ROR1: variants seen among roughly 807,000 people sequenced by gnomAD.
ROR1 encodes the protein ROR family WNT receptor 1.
In ROR1, 19 loss-of-function variants were observed where a neutral mutation model predicts 78.8. The ratio of observed to expected loss-of-function variants is 0.24; its 90% confidence interval spans 0.17 to 0.35. The LOEUF is 0.35. ROR1 is among the 10% of genes least tolerant of loss of function. ROR1 has a pLI of 1.00. For synonymous variants in ROR1, 386 were observed against 433.6 expected, an observed-to-expected ratio of 0.89 and a Z score of 1.36; for missense variants, 917 against 1,177.8, an observed-to-expected ratio of 0.78 and a Z score of 3.24.
In ROR1 at chr1:63,961,722, T is replaced by C. The variant is rs562419164; in HGVS notation, c.92-47583T>C. Among the ~76,000 whole-genome samples the C allele has an allele frequency of 4.6e-5, 7 of 152,280 alleles. No homozygotes were observed. In the South Asian group the frequency reaches 1.5e-3, roughly 32 times the overall value. On this transcript the variant is annotated intron_variant, in intron 1 of 8. Coordinates refer to ENST00000371079, the MANE Select transcript of ROR1 (RefSeq NM_005012.4). The stretch of plus-strand genomic sequence containing the variant: ...AGTGGAGAGGGATATGAAATTACAG[T>C]TAATGGATATGAAATTACGGTTAGA...
chr1:63,908,234 C>T (rs1645543239), intron 1 of ROR1, among the ~76,000 whole-genome samples: 2 of 152,202 alleles, frequency 1.3e-5, no homozygotes, highest in South Asian at 4.2e-4. Flanking sequence ...CACATTTCTC[C>T]CCCTGAAGCA....
At chr1:64,114,098 G>A (rs765849529) in intron 4 of ROR1, among the ~76,000 whole-genome samples, 5 of 152,076 alleles carry the variant, frequency 3.3e-5, no homozygotes, top group African/African-American at 4.8e-5. Context: ...GACCATGACC[G>A]GTGAACTTGG....
At chr1:63,809,527 A>G (rs749740681) in intron 1 of ROR1, among the ~76,000 whole-genome samples, 2 of 152,094 alleles carry the variant, frequency 1.3e-5, no homozygotes, top group African/African-American at 2.4e-5. Flanking sequence ...TACTCTGGGG[A>G]ATGGAGAGTT....
At position 64,007,377 on chromosome 1, in the gene ROR1, AGTGTGTGT is replaced by A. The variant is rs59753220; in HGVS notation, c.92-1903_92-1896del. Among the ~76,000 whole-genome samples the A allele has an allele frequency of 6.2e-5, 9 of 146,026 alleles. No individual in the cohort carries two copies. In the South Asian group the frequency reaches 1.4e-3, roughly 22 times the overall value. On this transcript the variant is annotated intron_variant, in intron 1 of 8. Coordinates refer to ENST00000371079, the MANE Select transcript of ROR1 (RefSeq NM_005012.4). ...CCTAATATTCTCTAGTAATGTTCTG[AGTGTGTGT>A]GTGTGTGTGTGTGTGTGTGTGTGTA...
intron 2 of ROR1, among the ~76,000 whole-genome samples, chr1:64,028,264 A>G (rs1250090233): frequency 6.6e-6 from 1 of 152,238 alleles, no homozygotes; most frequent in African/African-American, 2.4e-5. Flanking sequence ...TGGTAGGTGC[A>G]TAAATAAGTA....
rs116533322 is a variant in ROR1 at position 63,955,944 on chromosome 1, C to T, written c.92-53361C>T. Among the ~76,000 whole-genome samples, 774 of 152,180 alleles carry T rather than the reference C, an allele frequency of 5.1e-3. 12 individuals carry two copies. Among genetic ancestry groups the T allele is most frequent in the African/African-American group, 0.018 (748 of 41,496 alleles). ...ATAATTATCTCTGCAAAGATGTGTC[C>T]GTTGAGTACTTATATGGGAAGAGAA... On this transcript the variant is annotated intron_variant, in intron 1 of 8. Transcript: ENST00000371079.
rs183444530 is a variant in ROR1, at chr1:63,806,418, C to T, written c.91+31910C>T. ...CTGCAAGCTCCACCTCCCAGGTTCA[C>T]GCCACTCTCCTGCCACAGCCTCCTG... On this transcript the variant is annotated intron_variant, in intron 1 of 8. Transcript: ENST00000371079. 3.7e-3 allele frequency among the ~76,000 whole-genome samples: 557 copies of T among 151,476 alleles called. 3 individuals carry two copies. Among genetic ancestry groups the T allele is most frequent in the Middle Eastern group, 6.8e-3 (2 of 294 alleles).
intron 4 of ROR1, among the ~76,000 whole-genome samples, chr1:64,121,965 C>G (rs2100689083): frequency 6.6e-6 from 1 of 152,346 alleles, no homozygotes; most frequent in Admixed American, 6.5e-5. Context: ...GCACCAGAAC[C>G]TGCACCAGCT....
chr1:63,876,645 G>GGTGT (rs367954652), intron 1 of ROR1, among the ~76,000 whole-genome samples: 8,808 of 130,526 alleles, frequency 0.067, 331 homozygotes, highest in Middle Eastern at 0.11. Flanking sequence ...CCACGAAAGG[G>GGTGT]GTGTGTGTGT....
At chr1:64,090,814 C>G (rs1034421373) in intron 4 of ROR1, among the ~76,000 whole-genome samples, 4 of 152,088 alleles carry the variant, frequency 2.6e-5, no homozygotes, top group African/African-American at 9.7e-5. Context: ...CTAAAGTTGC[C>G]CTTTTTTCCC....
At chr1:64,025,125 T>A (rs1359096212) in intron 2 of ROR1, among the ~76,000 whole-genome samples, 1 of 152,334 alleles carries the variant, frequency 6.6e-6, no homozygotes, top group African/African-American at 2.4e-5. Context: ...GTGTTATAAG[T>A]AATCACTTCC....
Position 63,940,494 on chromosome 1 carries a change from C to T in ROR1, c.92-68811C>T, listed in dbSNP as rs61765143. On this transcript the variant is annotated intron_variant, in intron 1 of 8. Coordinates refer to ENST00000371079, the MANE Select transcript of ROR1 (RefSeq NM_005012.4). ...ATAGATAGATAGACAGATAGATAGA[C>T]AGACAGATAGATAGATAGATAGATA... 3.8e-3 allele frequency among the ~76,000 whole-genome samples: 295 copies of T among 77,818 alleles called. 1 individual carries two copies. The highest frequency in any genetic ancestry group is 0.014 in the East Asian group (32 of 2,272). The allele number at this position is 77,818 out of a possible 152,430, so 51.1% of individuals were successfully genotyped here.
intron 2 of ROR1, among the ~76,000 whole-genome samples, chr1:64,019,554 T>C (rs1388942078): frequency 6.6e-6 from 1 of 152,212 alleles, no homozygotes; most frequent in East Asian, 1.9e-4. Flanking sequence ...CTGAATGTGT[T>C]GGCATAACTC....
chr1:63,965,674 G>A (rs1646069005), intron 1 of ROR1, among the ~76,000 whole-genome samples: 1 of 152,090 alleles, frequency 6.6e-6, no homozygotes, highest in Non-Finnish European at 1.5e-5. Context: ...CTATTGTGCT[G>A]TTATCACCTC....
chr1:63,974,347 G>GA (rs1225036809), intron 1 of ROR1, among the ~76,000 whole-genome samples: 2 of 151,818 alleles, frequency 1.3e-5, no homozygotes, highest in Admixed American at 6.6e-5. Flanking sequence ...AAGCATATGA[G>GA]AAAAAAAATA....
chr1:64,055,141 G>A (rs181283365), intron 4 of ROR1, among the ~76,000 whole-genome samples: 29 of 152,274 alleles, frequency 1.9e-4, no homozygotes, highest in African/African-American at 5.5e-4. Flanking sequence ...ATATTTGGGA[G>A]GACATGGTTC....
chr1:64,120,886 C>A (rs1648505820), intron 4 of ROR1, among the ~76,000 whole-genome samples: 1 of 152,046 alleles, frequency 6.6e-6, no homozygotes, highest in South Asian at 2.1e-4. Context: ...TCCCTCCAGT[C>A]TAGAGGAGGC....
At chr1:64,020,224 A>G (rs925046794) in intron 2 of ROR1, among the ~76,000 whole-genome samples, 4 of 152,222 alleles carry the variant, frequency 2.6e-5, no homozygotes, top group Non-Finnish European at 5.9e-5. Flanking sequence ...TCAGGAAACT[A>G]AGAGAGATTT....
chr1:63,842,672 T>C (rs1398275525), intron 1 of ROR1, among the ~76,000 whole-genome samples: 1 of 151,826 alleles, frequency 6.6e-6, no homozygotes, highest in Non-Finnish European at 1.5e-5. Context: ...ATCTGTTCCC[T>C]TTGCTCCTTC....
Sources: allele counts gnomAD v4.1 joint callset (sites outside exome capture counted in the v4.1 genomes callset), GRCh38; gene constraint gnomAD v4.1.1; transcripts MANE v1.5; gene names NCBI Gene and HGNC (gene_info 2026-07-23, HGNC 2026-07-21).